PRPSAP2: variants seen among roughly 807,000 people sequenced by gnomAD.
PRPSAP2 encodes the protein phosphoribosyl pyrophosphate synthetase associated protein 2.
In PRPSAP2, 24 loss-of-function variants were observed where a neutral mutation model predicts 40.6. The observed-to-expected ratio is 0.59, with a 90% CI of 0.43 to 0.83. The LOEUF (loss-of-function observed/expected upper bound fraction) is 0.83. Among genes scored for constraint, PRPSAP2 ranks in the 40% least tolerant of loss-of-function variants. The pLI, the probability that PRPSAP2 is intolerant of heterozygous loss-of-function variation, is 0.00. For synonymous variants in PRPSAP2, 149 were observed against 164.7 expected, an observed-to-expected ratio of 0.90 and a Z score of 0.73; for missense variants, 292 against 465.6, an observed-to-expected ratio of 0.63 and a Z score of 3.43.
At position 18,864,358 on chromosome 17, in the gene PRPSAP2, A is replaced by G. The variant is rs1020386258; in HGVS notation, c.-128-1111A>G. Among the ~76,000 whole-genome samples the G allele has an allele frequency of 4.6e-5, 7 of 151,004 alleles. No individual in the cohort carries two copies. The East Asian group carries it at 7.8e-4, about 17-fold the overall frequency. ...GCCCAGGCTGGAGTACAGTGGTGCA[A>G]TCTTGGCTCACTGCAACCTCTGCCT... On this transcript the variant is annotated intron_variant, in intron 1 of 11. Transcript: ENST00000268835.
At chr17:18,903,037 G>A (rs1728968860) in intron 8 of PRPSAP2, among the ~76,000 whole-genome samples, 1 of 152,106 alleles carries the variant, frequency 6.6e-6, no homozygotes, top group African/African-American at 2.4e-5. Flanking sequence ...TGTGCTCTTT[G>A]ACTGGTAGGT....
At chr17:18,882,522 A>C (rs758713439) in intron 6 of PRPSAP2, 46 bp from the exon 7 acceptor site, 3 of 1,318,236 alleles carry the variant, frequency 2.3e-6, no homozygotes, top group Non-Finnish European at 3.2e-6. Context: ...AAAAAAAAAA[A>C]CAAAAACAAA....
At chr17:18,886,707 G>A (rs1021097306) in intron 7 of PRPSAP2, among the ~76,000 whole-genome samples, 3 of 151,968 alleles carry the variant, frequency 2.0e-5, no homozygotes, top group Non-Finnish European at 4.4e-5. Context: ...GTTGCCTTCC[G>A]CTGCACTGCT....
chr17:18,880,573 A>G (rs2038658397), intron 6 of PRPSAP2, among the ~76,000 whole-genome samples: 1 of 151,944 alleles, frequency 6.6e-6, no homozygotes, highest in Admixed American at 6.6e-5. Context: ...ATACCTGACT[A>G]GTTTTTTGTA....
Position 18,907,050 on chromosome 17 carries a change from G to A in PRPSAP2, c.585-4053G>A, listed in dbSNP as rs528924556. ...GTATCTAGTATAGATAGTACTAGTG[G>A]GATTCAGTATAATCCTTAATTTTTT... On this transcript the variant is annotated intron_variant, in intron 8 of 11. Coordinates refer to ENST00000268835, the MANE Select transcript of PRPSAP2 (RefSeq NM_002767.4). Among the ~76,000 whole-genome samples, 192 of 151,692 alleles carry A rather than the reference G, an allele frequency of 1.3e-3. 1 individual carries two copies. The highest frequency in any genetic ancestry group is 4.6e-3 in the African/African-American group (190 of 41,342).
chr17:18,884,990 G>T (rs2039026524), intron 7 of PRPSAP2, among the ~76,000 whole-genome samples: 1 of 152,240 alleles, frequency 6.6e-6, no homozygotes, highest in African/African-American at 2.4e-5. Context: ...GCACCCTTGT[G>T]CTGGTTGCAA....
At chr17:18,921,365 C>G (rs1186806258) in intron 9 of PRPSAP2, among the ~76,000 whole-genome samples, 1 of 152,074 alleles carries the variant, frequency 6.6e-6, no homozygotes, top group Non-Finnish European at 1.5e-5. Context: ...GAGGGTGATT[C>G]ATTATACTTT....
intron 8 of PRPSAP2, chr17:18,908,578 A>G: frequency 1.4e-6 from 1 of 733,558 alleles, no homozygotes; most frequent in Non-Finnish European, 2.5e-6. Context: ...ACCACTCTTC[A>G]CGCTGATAAT....
intron 8 of PRPSAP2, chr17:18,908,646 C>T (rs1433487231): frequency 8.3e-6 from 6 of 720,724 alleles, no homozygotes; most frequent in Non-Finnish European, 1.5e-5. Flanking sequence ...CCCACGCCGA[C>T]TTCGCCAACG....
At chr17:18,912,053 A>G (rs957191730) in intron 9 of PRPSAP2, among the ~76,000 whole-genome samples, 1 of 152,286 alleles carries the variant, frequency 6.6e-6, no homozygotes, top group African/African-American at 2.4e-5. Flanking sequence ...GTGGTGGCGT[A>G]TGCCTGTAAT....
rs752001684 is a variant in PRPSAP2, at chr17:18,889,848, C to T, written c.555C>T (p.Ile185=). ...EEIPDYRNAV[I]VAKSPASAKR... is the part of the protein sequence containing the mutation. ...TCCCAGATTACAGGAATGCAGTAATCGTGGCCAAGTCTCCAGCCTCGGCGA... is the reference window on the plus strand; with the variant it reads ...TCCCAGATTACAGGAATGCAGTAATTGTGGCCAAGTCTCCAGCCTCGGCGA... The change falls in exon 8 of 12, where the codon ATC becomes ATT. Residue 185 remains isoleucine, a synonymous_variant. Coordinates refer to ENST00000268835, the MANE Select transcript of PRPSAP2 (RefSeq NM_002767.4). The T allele has an allele frequency of 6.0e-5, 97 of 1,610,052 alleles. No individual in the cohort carries two copies. Among genetic ancestry groups the T allele is most frequent in the African/African-American group, 1.5e-4 (11 of 74,760 alleles).
In PRPSAP2 at chr17:18,930,301, G is replaced by T. The variant is rs12602973; in HGVS notation, c.952-239G>T. On this transcript the variant is annotated intron_variant, in intron 11 of 11. Coordinates refer to ENST00000268835, the MANE Select transcript of PRPSAP2 (RefSeq NM_002767.4). ...AAGCAGGAGAATGGCATGAACCCAG[G>T]AGGCAGAGCTTGCAGTGAGCTGAGA... is the stretch of plus-strand genomic sequence containing the variant. Among the ~76,000 whole-genome samples, 3 of 152,302 alleles carry T rather than the reference G, an allele frequency of 2.0e-5. No individual in the cohort carries two copies. In the East Asian group the frequency reaches 5.8e-4, roughly 29 times the overall value.
intron 4 of PRPSAP2, among the ~76,000 whole-genome samples, chr17:18,871,585 A>G (rs2037874841): frequency 6.6e-6 from 1 of 152,038 alleles, no homozygotes; most frequent in Non-Finnish European, 1.5e-5. Context: ...TTCTCACAAC[A>G]TACAATGTTT....
At chr17:18,891,919 C>T (rs539285668) in intron 8 of PRPSAP2, among the ~76,000 whole-genome samples, 158 of 152,212 alleles carry the variant, frequency 1.0e-3, no homozygotes, top group Non-Finnish European at 1.6e-3. Context: ...TGCAGTGGCA[C>T]GATCTCAGCT....
chr17:18,900,768 A>G (rs1266357613), intron 8 of PRPSAP2, among the ~76,000 whole-genome samples: 1 of 152,100 alleles, frequency 6.6e-6, no homozygotes, highest in Non-Finnish European at 1.5e-5. Context: ...TGCTCCCTCC[A>G]TGTCCTCCGC....
At chr17:18,908,471 G>A (rs950368360) in intron 8 of PRPSAP2, 9 of 760,176 alleles carry the variant, frequency 1.2e-5, no homozygotes, top group Non-Finnish European at 2.2e-5. Context: ...AGAATGGAAG[G>A]AGTGAGGCAC....
At chr17:18,860,152 C>G (rs1387210825) in intron 1 of PRPSAP2, among the ~76,000 whole-genome samples, 1 of 152,152 alleles carries the variant, frequency 6.6e-6, no homozygotes, top group Non-Finnish European at 1.5e-5. Flanking sequence ...CTCTGCCTCC[C>G]AAGTTCAAGC....
chr17:18,926,992 A>T (rs2042014916), intron 10 of PRPSAP2, among the ~76,000 whole-genome samples: 1 of 152,142 alleles, frequency 6.6e-6, no homozygotes, highest in Non-Finnish European at 1.5e-5. Context: ...ACCTGAGACT[A>T]GGTTGTTTAT....
chr17:18,923,243 G>A (rs2041794122), intron 9 of PRPSAP2, among the ~76,000 whole-genome samples: 1 of 145,608 alleles, frequency 6.9e-6, no homozygotes, highest in Non-Finnish European at 1.5e-5. Context: ...GCGCCCACTA[G>A]CACACTTGGC....
Sources: allele counts gnomAD v4.1 joint callset (sites outside exome capture counted in the v4.1 genomes callset), GRCh38; gene constraint gnomAD v4.1.1; transcripts MANE v1.5; gene names NCBI Gene and HGNC (gene_info 2026-07-23, HGNC 2026-07-21).